SDK1: variants seen among roughly 807,000 people sequenced by gnomAD.
SDK1 encodes the protein sidekick cell adhesion molecule 1.
SDK1 carries 157 observed loss-of-function variants against 245.5 expected under a neutral mutation model. The observed-to-expected ratio is 0.64, with a 90% confidence interval of 0.56 to 0.73. The LOEUF is 0.73. Ranked by LOEUF, SDK1 falls within the 30% of genes least tolerant of loss-of-function variation. The probability of loss-of-function intolerance (pLI) is 0.00; values close to 1 mark genes in which losing one functional copy is unlikely to be tolerated. For missense variants in SDK1, 3,583 were observed against 3,002.3 expected (o/e 1.19, Z -4.52); for synonymous variants, 1,647 against 1,278.5 (o/e 1.29, Z -6.15).
At chr7:3,954,960 A>C (rs1781139553) in intron 7 of SDK1, among the ~76,000 whole-genome samples, 1 of 148,556 alleles carries the variant, frequency 6.7e-6, no homozygotes, top group African/African-American at 2.5e-5. Context: ...CTATGAAACC[A>C]TTTTTTTTTT....
intron 28 of SDK1, among the ~76,000 whole-genome samples, chr7:4,144,102 A>G (rs1779782721): frequency 8.1e-6 from 1 of 123,722 alleles, no homozygotes; most frequent in Non-Finnish European, 1.6e-5. Flanking sequence ...CCCTCTCCCT[A>G]CTCTCACTAC....
At chr7:3,501,090 T>A (rs1346801901) in intron 1 of SDK1, among the ~76,000 whole-genome samples, 1 of 152,212 alleles carries the variant, frequency 6.6e-6, no homozygotes, top group African/African-American at 2.4e-5. Flanking sequence ...GTATATGTGC[T>A]TATAATGCAA....
intron 8 of SDK1, among the ~76,000 whole-genome samples, chr7:3,960,980 C>A (rs1562576941): frequency 6.6e-6 from 1 of 152,154 alleles, no homozygotes; most frequent in Non-Finnish European, 1.5e-5. Context: ...AGAAATACTC[C>A]CAGTTCCCTA....
chr7:3,645,903 G>T (rs796632974), intron 4 of SDK1, among the ~76,000 whole-genome samples: 49 of 151,940 alleles, frequency 3.2e-4, no homozygotes, highest in African/African-American at 1.1e-3. Flanking sequence ...CTGTTGCCCA[G>T]GCTGGAGTGC....
At chr7:3,540,604 A>G (rs1779027861) in intron 1 of SDK1, among the ~76,000 whole-genome samples, 1 of 152,212 alleles carries the variant, frequency 6.6e-6, no homozygotes, top group African/African-American at 2.4e-5. Flanking sequence ...GCTATGGGGA[A>G]GTCAGAGAAC....
At chr7:3,848,680 T>C (rs1412457649) in intron 5 of SDK1, among the ~76,000 whole-genome samples, 1 of 152,040 alleles carries the variant, frequency 6.6e-6, no homozygotes, top group African/African-American at 2.4e-5. Context: ...TTTTCTTTTT[T>C]TTTTTTCTGA....
intron 28 of SDK1, among the ~76,000 whole-genome samples, chr7:4,139,577 G>GTATA (rs1779376640): frequency 9.9e-5 from 5 of 50,718 alleles, no homozygotes; most frequent in South Asian, 5.7e-4. Context: ...GTATATGTGT[G>GTATA]TGTGTATGTG....
chr7:3,457,843 T>C (rs1207313742), intron 1 of SDK1, among the ~76,000 whole-genome samples: 1 of 152,162 alleles, frequency 6.6e-6, no homozygotes, highest in African/African-American at 2.4e-5. Flanking sequence ...CTCTTTCTGG[T>C]TTTACTTGTT....
intron 4 of SDK1, among the ~76,000 whole-genome samples, chr7:3,686,080 T>TA (rs397803907): frequency 6.6e-6 from 1 of 151,786 alleles, no homozygotes; most frequent in Non-Finnish European, 1.5e-5. Flanking sequence ...AACTTTTTTT[T>TA]ATTTTATTTT....
chr7:3,416,804 ATCTG>A (rs1403821431), intron 1 of SDK1, among the ~76,000 whole-genome samples: 2 of 152,158 alleles, frequency 1.3e-5, no homozygotes, highest in African/African-American at 4.8e-5. Flanking sequence ...TCTGATCCCC[ATCTG>A]TCTGTCAGAT....
At chr7:3,566,319 G>A (rs1286183252) in intron 1 of SDK1, among the ~76,000 whole-genome samples, 4 of 148,412 alleles carry the variant, frequency 2.7e-5, no homozygotes, top group African/African-American at 9.9e-5. Flanking sequence ...CCCCCTCCCA[G>A]GTTCACGCCA....
intron 30 of SDK1, among the ~76,000 whole-genome samples, chr7:4,151,016 G>C (rs1412979556): frequency 6.6e-6 from 1 of 152,242 alleles, no homozygotes; most frequent in Non-Finnish European, 1.5e-5. Context: ...TGGCCTTTGA[G>C]TTGCGAGGCT....
chr7:4,233,666 C>T (rs2128236047), intron 41 of SDK1, among the ~76,000 whole-genome samples: 1 of 152,266 alleles, frequency 6.6e-6, no homozygotes, highest in Middle Eastern at 3.4e-3. Context: ...ACGAAAGGGA[C>T]ACACATCTGC....
At chr7:3,754,460 G>A (rs1779860170) in intron 4 of SDK1, among the ~76,000 whole-genome samples, 2 of 152,152 alleles carry the variant, frequency 1.3e-5, no homozygotes, top group South Asian at 4.1e-4. Context: ...ATTGTGAGGT[G>A]AAATCTTTTA....
At chr7:3,842,670 G>T (rs1780187807) in intron 5 of SDK1, among the ~76,000 whole-genome samples, 1 of 152,114 alleles carries the variant, frequency 6.6e-6, no homozygotes. Context: ...AACACTTTAA[G>T]AAGGGTCTGG....
chr7:3,835,720 A>G (rs1272733146), intron 5 of SDK1, among the ~76,000 whole-genome samples: 1 of 152,208 alleles, frequency 6.6e-6, no homozygotes, highest in Non-Finnish European at 1.5e-5. Flanking sequence ...ACTAAGCATT[A>G]TAGGCATTGA....
chr7:4,076,919 G>T, intron 20 of SDK1, 79 bp from the exon 21 acceptor site: 1 of 1,275,140 alleles, frequency 7.8e-7, no homozygotes, highest in Non-Finnish European at 1.1e-6. Flanking sequence ...CTCCAAGCCT[G>T]CAACGATGGT....
chr7:3,378,977 T>G (rs894204191), intron 1 of SDK1, among the ~76,000 whole-genome samples: 1 of 152,122 alleles, frequency 6.6e-6, no homozygotes, highest in Non-Finnish European at 1.5e-5. Context: ...AACGAGGACT[T>G]GCTCAGCTCT....
intron 30 of SDK1, among the ~76,000 whole-genome samples, chr7:4,156,256 TCGTGGGAGAAGACA>T (rs1290439661): frequency 6.6e-6 from 1 of 151,512 alleles, no homozygotes; most frequent in Non-Finnish European, 1.5e-5. Flanking sequence ...GGCAGGGAGG[TCGTGGGAGAAGACA>T]CATGGTTATC....
Sources: gnomAD v4.1 joint callset for allele counts (sites outside exome capture counted in the v4.1 genomes callset) on GRCh38, gnomAD v4.1.1 for gene constraint, MANE v1.5 for transcripts, NCBI Gene and HGNC (gene_info 2026-07-23, HGNC 2026-07-21) for gene names.